TRPC4: variants seen among roughly 807,000 people sequenced by gnomAD.
TRPC4 encodes short transient receptor potential channel 4.
In TRPC4, 49 loss-of-function variants were observed where a neutral mutation model predicts 99.4. The observed-to-expected ratio is 0.49, with a 90% CI of 0.39 to 0.63. The LOEUF is 0.63. TRPC4 is among the 20% of genes least tolerant of loss of function. The pLI is 0.00. For synonymous variants in TRPC4, 454 were observed against 425.9 expected (o/e 1.07, Z -0.81); for missense variants, 898 against 1,152.9 (o/e 0.78, Z 3.20).
chr13:37,697,848 T>C (rs1953963839), intron 3 of TRPC4, among the ~76,000 whole-genome samples: 1 of 152,214 alleles, frequency 6.6e-6, no homozygotes, highest in African/African-American at 2.4e-5. Flanking sequence ...CTCCATTGTA[T>C]CTGATAAATA....
intron 2 of TRPC4, among the ~76,000 whole-genome samples, chr13:37,779,668 G>T (rs1956789288): frequency 6.6e-6 from 1 of 151,976 alleles, no homozygotes; most frequent in Non-Finnish European, 1.5e-5. Context: ...TTGCTTCAAT[G>T]TCCTCCTTAT....
At chr13:37,852,612 A>G (rs1959087939) in intron 1 of TRPC4, among the ~76,000 whole-genome samples, 1 of 152,164 alleles carries the variant, frequency 6.6e-6, no homozygotes, top group Non-Finnish European at 1.5e-5. Context: ...ATTTTCTTGC[A>G]CCTTAGGTAC....
At chr13:37,659,977 C>T (rs1377954117) in intron 6 of TRPC4, among the ~76,000 whole-genome samples, 1 of 151,952 alleles carries the variant, frequency 6.6e-6, no homozygotes, top group Non-Finnish European at 1.5e-5. Context: ...GAGAGGTGTC[C>T]ACTAGACAGC....
At chr13:37,799,877 A>C (rs1957360043) in intron 1 of TRPC4, among the ~76,000 whole-genome samples, 1 of 152,198 alleles carries the variant, frequency 6.6e-6, no homozygotes, top group South Asian at 2.1e-4. Context: ...TTTGGAGCCA[A>C]AATTATTGTG....
At chr13:37,716,715 A>T (rs192008285) in intron 3 of TRPC4, among the ~76,000 whole-genome samples, 5 of 151,992 alleles carry the variant, frequency 3.3e-5, no homozygotes, top group African/African-American at 1.2e-4. Flanking sequence ...AACAGATCTT[A>T]AAAAAAACCA....
Position 37,756,737 on chromosome 13 carries a change from G to A in TRPC4, c.379-10282C>T, listed in dbSNP as rs138743928. 8.8e-3 allele frequency among the ~76,000 whole-genome samples: 1,341 copies of A among 151,720 alleles called. 22 individuals are homozygous for A. Among genetic ancestry groups the A allele is most frequent in the African/African-American group, 0.03 (1,240 of 41,372 alleles). ...CTTAGCAGATATGGGGTTTCACCATGTTGGCCAGGCTGGTCTTGAACTCCT... is the reference window on the plus strand; with the variant it reads ...CTTAGCAGATATGGGGTTTCACCATATTGGCCAGGCTGGTCTTGAACTCCT... On this transcript the variant is annotated intron_variant, in intron 2 of 10. Transcript: ENST00000379705.
intron 3 of TRPC4, among the ~76,000 whole-genome samples, chr13:37,740,718 G>T (rs1204772805): frequency 1.3e-5 from 2 of 152,092 alleles, no homozygotes; most frequent in Non-Finnish European, 2.9e-5. Flanking sequence ...CATATCAAGG[G>T]GTTTGAAATA....
chr13:37,722,333 CCTT>C (rs1302306202), intron 3 of TRPC4, among the ~76,000 whole-genome samples: 1 of 152,156 alleles, frequency 6.6e-6, no homozygotes, highest in Non-Finnish European at 1.5e-5. Flanking sequence ...TTTAAAATAA[CCTT>C]CTTCCACCAC....
In TRPC4 at chr13:37,736,186, C is replaced by G. The variant is rs531272802; in HGVS notation, c.897+9751G>C. Among the ~76,000 whole-genome samples the G allele has an allele frequency of 3.3e-5, 5 of 152,230 alleles. No homozygotes were observed. In the East Asian group the frequency reaches 9.7e-4, roughly 29 times the overall value. The stretch of plus-strand genomic sequence containing the variant: ...GAATAGGCATTTGCTTCTGCCATTA[C>G]AGAGTGGCAGGCACTGAAAGGTTTG... On this transcript the variant is annotated intron_variant, in intron 3 of 10. Transcript: ENST00000379705.
chr13:37,654,567 CAT>C (rs1309616749), intron 7 of TRPC4, among the ~76,000 whole-genome samples: 6 of 152,094 alleles, frequency 3.9e-5, no homozygotes, highest in Admixed American at 2.0e-4. Context: ...TTCAAAAAAA[CAT>C]GTATTGTATC....
intron 1 of TRPC4, among the ~76,000 whole-genome samples, chr13:37,787,324 G>A (rs965725935): frequency 4.6e-5 from 7 of 152,022 alleles, no homozygotes; most frequent in Non-Finnish European, 2.9e-5. Context: ...TCACACATAT[G>A]TAAGTTGCAT....
rs5802901 is a variant in TRPC4, at chr13:37,792,935, GT to G, written c.-27-9576del. On this transcript the variant is annotated intron_variant, in intron 1 of 10. Coordinates refer to ENST00000379705, the MANE Select transcript of TRPC4 (RefSeq NM_016179.4). ...CTTAGGCATTGCCGTTGTTTTTGCT[GT>G]TGTTGCAGTGGTGGTGGTAGTGTTG... Among the ~76,000 whole-genome samples, 1,424 of 152,182 alleles carry G rather than the reference GT, an allele frequency of 9.4e-3. 20 individuals carry two copies. The highest frequency in any genetic ancestry group is 0.032 in the African/African-American group (1,349 of 41,544).
intron 3 of TRPC4, among the ~76,000 whole-genome samples, chr13:37,704,196 G>A (rs1954193513): frequency 6.6e-6 from 1 of 152,180 alleles, no homozygotes; most frequent in South Asian, 2.1e-4. Flanking sequence ...ATCAACAGTT[G>A]CCTACGGGGG....
chr13:37,686,143 A>G (rs537429594), intron 4 of TRPC4, among the ~76,000 whole-genome samples: 1 of 152,082 alleles, frequency 6.6e-6, no homozygotes, highest in Non-Finnish European at 1.5e-5. Context: ...TTGTGAGAAT[A>G]TTGTTTGGAG....
chr13:37,735,001 T>A (rs1955352973), intron 3 of TRPC4, among the ~76,000 whole-genome samples: 1 of 152,088 alleles, frequency 6.6e-6, no homozygotes, highest in African/African-American at 2.4e-5. Flanking sequence ...AGCTATGTGA[T>A]CGCTTTCCCT....
chr13:37,821,352 A>G (rs768529207), intron 1 of TRPC4, among the ~76,000 whole-genome samples: 4 of 152,140 alleles, frequency 2.6e-5, no homozygotes, highest in Non-Finnish European at 4.4e-5. Context: ...AAGTTCATGA[A>G]TAGGAATAAT....
intron 2 of TRPC4, 91 bp from the exon 3 acceptor site, chr13:37,746,546 G>A: frequency 7.2e-7 from 1 of 1,397,704 alleles, no homozygotes. Context: ...TATGGAACAG[G>A]GTTTATATGT....
chr13:37,777,443 A>T (rs1476290568), intron 2 of TRPC4, among the ~76,000 whole-genome samples: 1 of 151,916 alleles, frequency 6.6e-6, no homozygotes, highest in East Asian at 1.9e-4. Flanking sequence ...ACAGGACAGC[A>T]CTAGGGAGAT....
intron 2 of TRPC4, among the ~76,000 whole-genome samples, chr13:37,762,162 T>C (rs2139244161): frequency 6.6e-6 from 1 of 151,882 alleles, no homozygotes; most frequent in African/African-American, 2.4e-5. Context: ...ACTTTTCTTT[T>C]TCAAAACTAT....
Sources: gnomAD v4.1 joint callset for allele counts (sites outside exome capture counted in the v4.1 genomes callset) on GRCh38, gnomAD v4.1.1 for gene constraint, MANE v1.5 for transcripts, NCBI Gene and HGNC (gene_info 2026-07-23, HGNC 2026-07-21) for gene names.